The following NCK2 variants were observed in gnomAD, a reference collection of about 807,000 sequenced individuals.
NCK2 encodes the protein cytoplasmic protein NCK2.
NCK2 carries 16 observed loss-of-function variants against 33.9 expected under a neutral mutation model. That is an observed-to-expected ratio of 0.47 (90% CI 0.32 to 0.72). The LOEUF (loss-of-function observed/expected upper bound fraction) is 0.72. Ranked by LOEUF, NCK2 falls within the 30% of genes least tolerant of loss-of-function variation. NCK2 has a pLI of 0.03. For missense variants in NCK2, 418 were observed against 537.3 expected, an observed-to-expected ratio of 0.78 and a Z score of 2.19; for synonymous variants, 273 against 239.9, an observed-to-expected ratio of 1.14 and a Z score of -1.27.
At chr2:105,808,560 C>T (rs1405510379) in intron 1 of NCK2, among the ~76,000 whole-genome samples, 4 of 152,194 alleles carry the variant, frequency 2.6e-5, no homozygotes, top group Non-Finnish European at 1.5e-5. Flanking sequence ...GAGTAACCAC[C>T]AGTTTACTAC....
At chr2:105,766,698 G>A (rs1207365695) in intron 1 of NCK2, among the ~76,000 whole-genome samples, 1 of 152,168 alleles carries the variant, frequency 6.6e-6, no homozygotes, top group Non-Finnish European at 1.5e-5. Context: ...GGAGAATCCT[G>A]GCGGGGGCGG....
intron 3 of NCK2, among the ~76,000 whole-genome samples, chr2:105,856,509 G>T (rs529661357): frequency 9.2e-5 from 14 of 152,318 alleles, no homozygotes; most frequent in African/African-American, 2.2e-4. Flanking sequence ...TGAGGAATAC[G>T]TAGGAAAACT....
intron 1 of NCK2, among the ~76,000 whole-genome samples, chr2:105,772,431 G>C (rs1478245380): frequency 6.6e-6 from 1 of 152,036 alleles, no homozygotes; most frequent in Non-Finnish European, 1.5e-5. Flanking sequence ...ATAGTCCTGG[G>C]TTTCACTTTA....
chr2:105,784,833 T>A (rs1249265805), intron 1 of NCK2, among the ~76,000 whole-genome samples: 1 of 152,170 alleles, frequency 6.6e-6, no homozygotes, highest in Non-Finnish European at 1.5e-5. Flanking sequence ...AAAGAGTGTG[T>A]CCTCAGATAC....
intron 1 of NCK2, among the ~76,000 whole-genome samples, chr2:105,765,039 T>C (rs1399513720): frequency 2.6e-5 from 4 of 151,376 alleles, no homozygotes; most frequent in Non-Finnish European, 5.9e-5. Flanking sequence ...TTTTTTAGTG[T>C]AAATTCCTTG....
chr2:105,770,550 G>A lies in NCK2; in HGVS notation c.-201+25412G>A, dbSNP rs146990418. Among the ~76,000 whole-genome samples the A allele has an allele frequency of 1.9e-3, 282 of 152,298 alleles. 2 individuals are homozygous for A. The highest frequency in any genetic ancestry group is 6.2e-3 in the African/African-American group (259 of 41,550). ...AAAATCATTTTCTTAGAAGTAGAAG[G>A]CTATAGAATATCTGTCATTTTTAGA... On this transcript the variant is annotated intron_variant, in intron 1 of 4. Coordinates refer to ENST00000233154, the MANE Select transcript of NCK2 (RefSeq NM_003581.5).
intron 1 of NCK2, among the ~76,000 whole-genome samples, chr2:105,763,285 C>T (rs1490760082): frequency 6.6e-6 from 1 of 152,154 alleles, no homozygotes; most frequent in African/African-American, 2.4e-5. Flanking sequence ...CGCCAGGGAC[C>T]AGGTGTCACT....
At chr2:105,765,758 C>T (rs1163102309) in intron 1 of NCK2, among the ~76,000 whole-genome samples, 1 of 150,694 alleles carries the variant, frequency 6.6e-6, no homozygotes, top group African/African-American at 2.5e-5. Context: ...AGGCAGATAG[C>T]CTCCCACAGA....
chr2:105,853,658 A>C (rs560332872), intron 2 of NCK2, among the ~76,000 whole-genome samples: 1 of 152,360 alleles, frequency 6.6e-6, no homozygotes, highest in African/African-American at 2.4e-5. Context: ...GTTGAAGAAC[A>C]GTAAGGCAGA....
intron 1 of NCK2, among the ~76,000 whole-genome samples, chr2:105,807,962 G>C (rs187480136): frequency 1.3e-5 from 2 of 151,474 alleles, no homozygotes; most frequent in Admixed American, 1.3e-4. Flanking sequence ...GGAGTGCAGT[G>C]TGCGATCTCA....
chr2:105,799,642 A>G (rs909957917), intron 1 of NCK2, among the ~76,000 whole-genome samples: 3 of 152,244 alleles, frequency 2.0e-5, no homozygotes, highest in Non-Finnish European at 4.4e-5. Context: ...ACAAAACGGA[A>G]TACCACTATA....
chr2:105,874,499 T>C (rs1369362017), intron 3 of NCK2, among the ~76,000 whole-genome samples: 1 of 152,248 alleles, frequency 6.6e-6, no homozygotes, highest in Non-Finnish European at 1.5e-5. Context: ...GCATTTTCAA[T>C]AAAAGGAAGT....
At chr2:105,768,177 G>T (rs1421794111) in intron 1 of NCK2, among the ~76,000 whole-genome samples, 2 of 152,196 alleles carry the variant, frequency 1.3e-5, no homozygotes, top group East Asian at 3.8e-4. Flanking sequence ...AATTGCTAAT[G>T]CCATTCATTT....
At chr2:105,849,299 G>T (rs1676969254) in intron 2 of NCK2, among the ~76,000 whole-genome samples, 1 of 152,302 alleles carries the variant, frequency 6.6e-6, no homozygotes, top group East Asian at 1.9e-4. Flanking sequence ...GAGGCAGATG[G>T]ATCGCTTGAG....
At chr2:105,871,258 C>A (rs189482507) in intron 3 of NCK2, among the ~76,000 whole-genome samples, 133 of 151,954 alleles carry the variant, frequency 8.8e-4, no homozygotes, top group Non-Finnish European at 1.5e-3. Flanking sequence ...GAGCTGAGCA[C>A]CAGTGAGCGC....
chr2:105,770,919 TTTTTGC>T (rs59432417), intron 1 of NCK2, among the ~76,000 whole-genome samples: 71,254 of 151,352 alleles, frequency 0.47, 17,765 homozygotes, highest in African/African-American at 0.64. Context: ...TGTTTGTTTG[TTTTTGC>T]TTTTGTTTTT....
At chr2:105,855,511 A>G (rs377130014) in intron 3 of NCK2, 1 of 474,574 alleles carries the variant, frequency 2.1e-6, no homozygotes, top group Non-Finnish European at 3.8e-6. Flanking sequence ...GTGTATGGAG[A>G]CACTTTGTGT....
intron 2 of NCK2, among the ~76,000 whole-genome samples, chr2:105,837,090 C>T (rs915376219): frequency 2.0e-5 from 3 of 152,182 alleles, no homozygotes; most frequent in African/African-American, 7.2e-5. Flanking sequence ...TTTCTTTCCT[C>T]TGTGCTGCCA....
intron 3 of NCK2, chr2:105,856,968 C>A (rs1459732967): frequency 3.3e-5 from 5 of 151,650 alleles, no homozygotes; most frequent in African/African-American, 1.2e-4. Context: ...CTACCTTTCA[C>A]CAAAGTACCA....
Sources: gnomAD v4.1 joint callset for allele counts (sites outside exome capture counted in the v4.1 genomes callset) on GRCh38, gnomAD v4.1.1 for gene constraint, MANE v1.5 for transcripts, NCBI Gene and HGNC (gene_info 2026-07-23, HGNC 2026-07-21) for gene names.